Variants in CPPED1 observed in about 807,000 individuals in gnomAD.
CPPED1 encodes serine/threonine-protein phosphatase CPPED1.
In CPPED1, 28 loss-of-function variants were observed where a neutral mutation model predicts 28.0. The observed-to-expected ratio is 1.00, with a 90% CI of 0.74 to 1.37. CPPED1 has a LOEUF of 1.37. Ranked by LOEUF, CPPED1 falls within the 40% of genes most tolerant of loss-of-function variation. The pLI is 0.00. For synonymous variants in CPPED1, 198 were observed against 180.2 expected, an observed-to-expected ratio of 1.10 and a Z score of -0.79; for missense variants, 504 against 416.5, an observed-to-expected ratio of 1.21 and a Z score of -1.83.
intron 1 of CPPED1, among the ~76,000 whole-genome samples, chr16:12,784,816 A>G (rs1022972528): frequency 3.3e-5 from 5 of 152,216 alleles, no homozygotes; most frequent in Admixed American, 3.3e-4. Flanking sequence ...ATTTTAACAA[A>G]TCGTTTCCTA....
intron 2 of CPPED1, among the ~76,000 whole-genome samples, chr16:12,764,306 C>A (rs994560898): frequency 3.3e-5 from 5 of 151,920 alleles, no homozygotes; most frequent in African/African-American, 9.7e-5. Flanking sequence ...CAAGTTCAAG[C>A]GATTCTCGTG....
At chr16:12,688,853 T>A (rs1333958821) in intron 3 of CPPED1, among the ~76,000 whole-genome samples, 1 of 152,162 alleles carries the variant, frequency 6.6e-6, no homozygotes, top group East Asian at 1.9e-4. Flanking sequence ...CTGACCCCAA[T>A]GTCAAGAGCT....
At chr16:12,688,463 C>T (rs1250162404) in intron 3 of CPPED1, among the ~76,000 whole-genome samples, 3 of 151,678 alleles carry the variant, frequency 2.0e-5, no homozygotes, top group African/African-American at 4.9e-5. Context: ...CTCAGCTTCC[C>T]GAGTAGCTGA....
intron 2 of CPPED1, among the ~76,000 whole-genome samples, chr16:12,772,151 A>C (rs2080473929): frequency 6.6e-6 from 1 of 151,950 alleles, no homozygotes; most frequent in Admixed American, 6.6e-5. Context: ...AACAAAAAAA[A>C]ACAAAATTCC....
intron 2 of CPPED1, among the ~76,000 whole-genome samples, chr16:12,764,042 T>G (rs2080425166): frequency 6.6e-6 from 1 of 151,974 alleles, no homozygotes; most frequent in Non-Finnish European, 1.5e-5. Flanking sequence ...TTTTTTTTTT[T>G]TTTTTTACAA....
chr16:12,671,857 A>G (rs138126308), intron 3 of CPPED1, among the ~76,000 whole-genome samples: 1 of 152,288 alleles, frequency 6.6e-6, no homozygotes, highest in East Asian at 1.9e-4. Context: ...TACCTTCTCT[A>G]TGTCTAGATA....
At chr16:12,773,046 GA>G (rs1199751110) in intron 2 of CPPED1, among the ~76,000 whole-genome samples, 1 of 152,130 alleles carries the variant, frequency 6.6e-6, no homozygotes, top group Non-Finnish European at 1.5e-5. Flanking sequence ...TCAAACTTAA[GA>G]AAAAACTCTT....
intron 2 of CPPED1, among the ~76,000 whole-genome samples, chr16:12,738,609 T>G (rs1242637432): frequency 6.6e-6 from 1 of 152,096 alleles, no homozygotes. Context: ...AATAAGAAAG[T>G]AAAAGCAAAA....
At chr16:12,738,533 G>A (rs111278718) in intron 2 of CPPED1, among the ~76,000 whole-genome samples, 4,447 of 152,242 alleles carry the variant, frequency 0.029, 136 homozygotes, top group African/African-American at 0.08. Context: ...ACTGTAAGCT[G>A]TGGACATGAA....
intron 2 of CPPED1, among the ~76,000 whole-genome samples, chr16:12,775,414 C>G (rs2080492130): frequency 1.3e-5 from 2 of 152,186 alleles, no homozygotes; most frequent in Non-Finnish European, 2.9e-5. Context: ...TGCCATCATC[C>G]TCATCATCAC....
chr16:12,696,436 TTC>T (rs143614226), intron 3 of CPPED1, among the ~76,000 whole-genome samples: 5 of 146,680 alleles, frequency 3.4e-5, no homozygotes, highest in South Asian at 2.1e-4. Flanking sequence ...CTAAGTGACT[TTC>T]TTTTTTTTTT....
In CPPED1 at chr16:12,803,687, G is replaced by C. The variant is rs771455522; in HGVS notation, c.70+20C>G. 2.0e-6 allele frequency: 3 copies of C among 1,521,402 alleles called. No individual in the cohort carries two copies. Among genetic ancestry groups the C allele is most frequent in the Non-Finnish European group, 2.6e-6 (3 of 1,133,838 alleles). 94.2% of individuals were successfully genotyped at this position (1,521,402 alleles called of 1,614,324 possible). A position where few individuals can be genotyped will look rare whatever the true frequency, so the allele number is the denominator to read the frequency against. On this transcript the variant is annotated intron_variant, in intron 1 of 3. Coordinates refer to ENST00000381774, the MANE Select transcript of CPPED1 (RefSeq NM_018340.3). ...TCCGCAGCCCCAGAGTCCCCTCCCC[G>C]GGTGAGGGGCGGGCAGTACCTGCGG...
rs570943120 is a variant in CPPED1, at chr16:12,732,333, A to G, written c.290-27284T>C. Among the ~76,000 whole-genome samples the G allele has an allele frequency of 1.6e-4, 24 of 147,652 alleles. No homozygotes were observed. The South Asian group carries it at 5.3e-3, about 33-fold the overall frequency. On this transcript the variant is annotated intron_variant, in intron 2 of 3. Coordinates refer to ENST00000381774, the MANE Select transcript of CPPED1 (RefSeq NM_018340.3). ...AAGGTGAGGAATCATCTCAAAAAGT[A>G]GAGTGAGCAAGGAAGTGAAAAAAAA...
intron 2 of CPPED1, among the ~76,000 whole-genome samples, chr16:12,770,874 G>GAAAGGAAAGGAAAGA (rs1567302321): frequency 1.6e-5 from 2 of 127,550 alleles, no homozygotes; most frequent in South Asian, 2.9e-4. Flanking sequence ...GAAAGGAAAG[G>GAAAGGAAAGGAAAGA]AAAGGAAAGG....
At chr16:12,749,362 A>G (rs2080312396) in intron 2 of CPPED1, among the ~76,000 whole-genome samples, 2 of 152,176 alleles carry the variant, frequency 1.3e-5, no homozygotes, top group Non-Finnish European at 2.9e-5. Flanking sequence ...TCTTCATTCC[A>G]TAAGACGCAA....
rs2079793303 is a variant in CPPED1, at chr16:12,661,350, CAAAATAGGATAAA to C, written c.*3523_*3535del. The C allele has an allele frequency of 6.6e-6, 1 of 152,102 alleles. No homozygotes were observed. Among genetic ancestry groups the C allele is most frequent in the South Asian group, 2.1e-4 (1 of 4,826 alleles). 9.4% of individuals were successfully genotyped at this position (152,102 alleles called of 1,614,324 possible). A position where few individuals can be genotyped will look rare whatever the true frequency, so the allele number is the denominator to read the frequency against. ...AATAATCTCTTAATACTGAAAATCA[CAAAATAGGATAAA>C]ACGTTCTGTTGCTAGTCCCATAAAG... On this transcript the variant is annotated 3_prime_UTR_variant, in exon 4 of 4. Transcript: ENST00000381774.
At chr16:12,677,525 C>T (rs1157072408) in intron 3 of CPPED1, among the ~76,000 whole-genome samples, 2 of 152,116 alleles carry the variant, frequency 1.3e-5, no homozygotes, top group Non-Finnish European at 2.9e-5. Context: ...GTCAGTAATC[C>T]CAGCTACTTG....
intron 2 of CPPED1, among the ~76,000 whole-genome samples, chr16:12,766,741 C>G (rs1192528422): frequency 6.6e-6 from 1 of 152,060 alleles, no homozygotes; most frequent in East Asian, 1.9e-4. Context: ...TGCACTCCAG[C>G]CTGGGTGACG....
At chr16:12,699,875 A>C (rs912922760) in intron 3 of CPPED1, among the ~76,000 whole-genome samples, 2 of 152,144 alleles carry the variant, frequency 1.3e-5, no homozygotes, top group Non-Finnish European at 2.9e-5. Context: ...TAAGTTAATG[A>C]ATTTTACAAA....
Sources: gnomAD v4.1 joint callset for allele counts (sites outside exome capture counted in the v4.1 genomes callset) on GRCh38, gnomAD v4.1.1 for gene constraint, MANE v1.5 for transcripts, NCBI Gene and HGNC (gene_info 2026-07-23, HGNC 2026-07-21) for gene names.